The following BCLAF1 variants were observed in gnomAD, a reference collection of about 807,000 sequenced individuals.
BCLAF1 encodes the protein bcl-2-associated transcription factor 1.
Under a neutral mutation model 99.5 loss-of-function variants are expected in BCLAF1, and 10 were observed. That is an observed-to-expected ratio of 0.10 (90% CI 0.06 to 0.17). The LOEUF is 0.17. Ranked by LOEUF, BCLAF1 falls within the 10% of genes least tolerant of loss-of-function variation. BCLAF1 has a pLI of 1.00. For missense variants in BCLAF1, 636 were observed against 1,105.8 expected (o/e 0.58, Z 6.02); for synonymous variants, 255 against 370.9 (o/e 0.69, Z 3.59).
At chr6:136,268,383 TA>T in intron 9 of BCLAF1, 44 bp from the exon 10 acceptor site, 1 of 1,504,448 alleles carries the variant, frequency 6.6e-7, no homozygotes, top group Non-Finnish European at 9.0e-7. Context: ...TTTAAAAAGA[TA>T]AAGACCCTGC....
intron 4 of BCLAF1, 101 bp from the exon 5 acceptor site, chr6:136,276,609 G>A (rs1346187281): frequency 1.2e-5 from 17 of 1,365,328 alleles, no homozygotes; most frequent in Admixed American, 2.6e-5. Context: ...ACCAGCAAGA[G>A]AGAAAATAAC....
intron 7 of BCLAF1, among the ~76,000 whole-genome samples, chr6:136,272,786 C>A (rs1395571810): frequency 6.6e-6 from 1 of 151,814 alleles, no homozygotes; most frequent in Non-Finnish European, 1.5e-5. Flanking sequence ...ACTAGAAATT[C>A]GAAGGTAACT....
intron 12 of BCLAF1, 66 bp from the exon 13 acceptor site, chr6:136,261,181 T>C (rs1780925390): frequency 1.3e-6 from 2 of 1,557,724 alleles, no homozygotes; most frequent in African/African-American, 1.4e-5. Context: ...ACCATATTAA[T>C]AATTGTTCCT....
Position 136,277,873 on chromosome 6 carries a change from G to C in BCLAF1, c.1008C>G (p.Phe336Leu). 1 of 1,604,614 alleles carries C rather than the reference G, an allele frequency of 6.2e-7. No individual in the cohort carries two copies. Among genetic ancestry groups the C allele is most frequent in the Non-Finnish European group, 8.5e-7 (1 of 1,175,724 alleles). The change falls in exon 4 of 13, where the codon TTC (phenylalanine) becomes TTG (leucine). Residue 336 changes from phenylalanine (F) to leucine (L), a missense_variant. This residue lies in a region of BCLAF1 where 186 missense variants were observed against 275.3 expected (regional missense o/e 0.68). Coordinates refer to ENST00000531224, the MANE Select transcript of BCLAF1 (RefSeq NM_014739.3). ...GDQETAKTGKFLKRFTDEESR... is the reference protein window; with the variant it reads ...GDQETAKTGKLLKRFTDEESR... ...TGTATTTTAGTTTTTACCTTTTTAA[G>C]AACTTCCCAGTCTTTGCAGTTTCCT...
chr6:136,266,978 A>G (rs368408779), intron 11 of BCLAF1, 51 bp downstream of exon 11: 1 of 1,598,584 alleles, frequency 6.3e-7, no homozygotes, highest in Non-Finnish European at 8.6e-7. Flanking sequence ...TTCACCTAGT[A>G]TGCTTCGAAA....
Position 136,269,500 on chromosome 6 carries a change from C to G in BCLAF1, c.2156G>C (p.Gly719Ala), listed in dbSNP as rs147964608. ...GDSKGSRESS[G>A]SRKQEKTPKD... Reference sequence around the variant, plus strand: ...TGGAGTTTTTTCCTGCTTTCTTGATCCACTGGATTCCCTGGAGCCCTTGGA... The same window carrying G: ...TGGAGTTTTTTCCTGCTTTCTTGATGCACTGGATTCCCTGGAGCCCTTGGA... The change falls in exon 9 of 13, where the codon GGA becomes GCA. Residue 719 changes from glycine to alanine, a missense_variant. Transcript: ENST00000531224. The G allele has an allele frequency of 8.8e-5, 142 of 1,611,884 alleles. No individual in the cohort carries two copies. The African/African-American group carries it at 1.7e-3, about 19-fold the overall frequency.
chr6:136,276,055 T>C lies in BCLAF1; in HGVS notation c.1470A>G (p.Val490=). Residue 490 remains valine, a synonymous_variant, in exon 5 of 13, where the codon GTA becomes GTG. Transcript: ENST00000531224. ...EEDKNSERIT[V]KKETQSPEQV... is the part of the protein sequence containing the mutation. Reference sequence around the variant, plus strand: ...GCTCAGGTGACTGAGTTTCTTTCTTTACTGTTATTCTTTCAGAATTTTTGT... The same window carrying C: ...GCTCAGGTGACTGAGTTTCTTTCTTCACTGTTATTCTTTCAGAATTTTTGT... 3 of 1,601,530 alleles carry C rather than the reference T, an allele frequency of 1.9e-6. No individual in the cohort carries two copies. Among genetic ancestry groups the C allele is most frequent in the Non-Finnish European group, 2.5e-6 (3 of 1,176,824 alleles).
intron 7 of BCLAF1, 88 bp from the exon 8 acceptor site, chr6:136,272,167 G>T: frequency 1.1e-6 from 1 of 900,432 alleles, no homozygotes; most frequent in Non-Finnish European, 1.7e-6. Context: ...TCCTAAGACA[G>T]TTATTTCTCT....
In BCLAF1 at chr6:136,257,426, T is replaced by C. The variant is rs541046738; in HGVS notation, c.*3684A>G. 6.6e-6 allele frequency: 1 copy of C among 152,294 alleles called. No individual in the cohort carries two copies. Among genetic ancestry groups the C allele is most frequent in the Admixed American group, 6.5e-5 (1 of 15,298 alleles). 9.4% of individuals were successfully genotyped at this position (152,294 alleles called of 1,614,324 possible). On this transcript the variant is annotated 3_prime_UTR_variant, in exon 13 of 13. Transcript: ENST00000531224. ...CATTACCATCATTGACACAAGTTAA[T>C]CATTACTGCATGTTTCTAAAACAAT... is the stretch of plus-strand genomic sequence containing the variant.
At chr6:136,283,196 A>G (rs952886937) in intron 1 of BCLAF1, among the ~76,000 whole-genome samples, 4 of 151,560 alleles carry the variant, frequency 2.6e-5, no homozygotes, top group African/African-American at 9.7e-5. Context: ...AAAAAAAAAA[A>G]AAAAAAAAGG....
rs1780711043 is a variant in BCLAF1 at position 136,259,456 on chromosome 6, T to C, written c.*1654A>G. 1 of 152,046 alleles carries C rather than the reference T, an allele frequency of 6.6e-6. No individual in the cohort carries two copies. Among genetic ancestry groups the C allele is most frequent in the African/African-American group, 2.4e-5 (1 of 41,442 alleles). 9.4% of individuals were successfully genotyped at this position (152,046 alleles called of 1,614,324 possible). On this transcript the variant is annotated 3_prime_UTR_variant, in exon 13 of 13. Coordinates refer to ENST00000531224, the MANE Select transcript of BCLAF1 (RefSeq NM_014739.3). ...CATCCATGTTGCTTTCACACGTAAATAAGTATTATTCTGAACAGGAGAATA... is the reference window on the plus strand; with the variant it reads ...CATCCATGTTGCTTTCACACGTAAACAAGTATTATTCTGAACAGGAGAATA...
At position 136,258,451 on chromosome 6, in the gene BCLAF1, A is replaced by C. The variant is rs1055574964; in HGVS notation, c.*2659T>G. The C allele has an allele frequency of 6.6e-6, 1 of 152,450 alleles. No individual in the cohort carries two copies. Among genetic ancestry groups the C allele is most frequent in the Non-Finnish European group, 1.5e-5 (1 of 67,950 alleles). 9.4% of individuals were successfully genotyped at this position (152,450 alleles called of 1,614,324 possible). On this transcript the variant is annotated 3_prime_UTR_variant, in exon 13 of 13. Coordinates refer to ENST00000531224, the MANE Select transcript of BCLAF1 (RefSeq NM_014739.3). ...GACAAAACAAAAAAACAGTAAAGAA[A>C]GGTTTGAGGGAGTTTATAAAGCATT...
At chr6:136,285,112 T>C (rs187339966) in intron 1 of BCLAF1, among the ~76,000 whole-genome samples, 3 of 152,236 alleles carry the variant, frequency 2.0e-5, no homozygotes, top group East Asian at 1.9e-4. Context: ...TAGCATCTAG[T>C]AGATCATCAA....
chr6:136,287,359 C>T lies in BCLAF1; in HGVS notation c.-115+2354G>A, dbSNP rs1584117560. Among the ~76,000 whole-genome samples, 3 of 152,236 alleles carry T rather than the reference C, an allele frequency of 2.0e-5. No homozygotes were observed. The East Asian group carries it at 5.8e-4, about 29-fold the overall frequency. On this transcript the variant is annotated intron_variant, in intron 1 of 12. Transcript: ENST00000531224. ...AGTGTTTGAAAACTCTAAAATATTACACAAATATAATCTAGTATTATCTTC... is the reference window on the plus strand; with the variant it reads ...AGTGTTTGAAAACTCTAAAATATTATACAAATATAATCTAGTATTATCTTC...
rs1488900676 is a variant in BCLAF1, at chr6:136,275,778, TTAAGA to T, written c.1682+60_1682+64del. The stretch of plus-strand genomic sequence containing the variant: ...TATAAAAATGGTATGTTCAGAAAGT[TTAAGA>T]TAATTAACTGGAATACTGACTGCCC... On this transcript the variant is annotated intron_variant, in intron 5 of 12. Transcript: ENST00000531224. The T allele has an allele frequency of 3.2e-6, 5 of 1,567,584 alleles. No individual in the cohort carries two copies. In the African/African-American group the frequency reaches 6.8e-5, roughly 21 times the overall value.
rs564776049 is a variant in BCLAF1 at position 136,263,250 on chromosome 6, C to T, written c.2545-1773G>A. 8.2e-4 allele frequency among the ~76,000 whole-genome samples: 125 copies of T among 152,246 alleles called. 4 individuals carry two copies. In the South Asian group the frequency reaches 0.026, roughly 31 times the overall value. Reference sequence around the variant, plus strand: ...TGACCATCACCCATAAAACACATTTCCCAGATATCTTGGTGGCAGTATATG... The same window carrying T: ...TGACCATCACCCATAAAACACATTTTCCAGATATCTTGGTGGCAGTATATG... On this transcript the variant is annotated intron_variant, in intron 11 of 12. Coordinates refer to ENST00000531224, the MANE Select transcript of BCLAF1 (RefSeq NM_014739.3).
At chr6:136,271,530 G>A (rs1026771243) in intron 8 of BCLAF1, among the ~76,000 whole-genome samples, 1 of 151,780 alleles carries the variant, frequency 6.6e-6, no homozygotes, top group African/African-American at 2.4e-5. Flanking sequence ...ACGTTCATTT[G>A]TAAACCAGTT....
Position 136,269,599 on chromosome 6 carries a change from A to G in BCLAF1, c.2057T>C (p.Leu686Ser). The G allele has an allele frequency of 6.3e-7, 1 of 1,594,662 alleles. No individual in the cohort carries two copies. The highest frequency in any genetic ancestry group is 8.5e-7 in the Non-Finnish European group (1 of 1,174,268). ...CCGAAGGTCAGCAGAGTCACACCTT[A>G]ATTTTTTATCTCCCTATAAAAGACA... is the stretch of plus-strand genomic sequence containing the variant. ...KEENQKGDKK[L>S]RCDSADLRHD... The change falls in exon 9 of 13, where the codon TTA becomes TCA. Residue 686 changes from leucine to serine, a missense_variant. Leu to Ser is a moderately radical substitution (Grantham distance 145). Transcript: ENST00000531224.
At chr6:136,273,220 T>C (rs1250049912) in intron 6 of BCLAF1, 33 bp from the exon 7 acceptor site, 11 of 1,565,488 alleles carry the variant, frequency 7.0e-6, no homozygotes, top group Middle Eastern at 1.7e-4. Flanking sequence ...GTCCGATTAG[T>C]TAACTTTACT....
Sources: allele counts gnomAD v4.1 joint callset (sites outside exome capture counted in the v4.1 genomes callset), GRCh38; gene constraint gnomAD v4.1.1; regional missense constraint gnomAD v4.1.1; transcripts MANE v1.5; gene names NCBI Gene and HGNC (gene_info 2026-07-23, HGNC 2026-07-21).